Variants in PCDHGA5 observed in about 807,000 individuals in gnomAD.
PCDHGA5 encodes the protein protocadherin gamma subfamily A, 5, also known as protocadherin gamma-A5.
Under a neutral mutation model 56.7 loss-of-function variants are expected in PCDHGA5, and 36 were observed. The observed-to-expected ratio is 0.64, with a 90% CI of 0.49 to 0.84. PCDHGA5 has a LOEUF of 0.84. Among genes scored for constraint, PCDHGA5 ranks in the 40% least tolerant of loss-of-function variants. The pLI is 0.00. For missense variants in PCDHGA5, 1,305 were observed against 1,201.5 expected, an observed-to-expected ratio of 1.09 and a Z score of -1.27; for synonymous variants, 563 against 520.2, an observed-to-expected ratio of 1.08 and a Z score of -1.12.
rs371499368 is a variant in PCDHGA5 at position 141,414,269 on chromosome 5, C to T, written c.2421+47518C>T. The stretch of plus-strand genomic sequence containing the variant: ...TTTAGTCCAGTGACTGAAGATTCAC[C>T]TCTGGGAACAGTCGTAGCCCTTTTA... On this transcript the variant is annotated intron_variant, in intron 1 of 3. Coordinates refer to ENST00000518069, the MANE Select transcript of PCDHGA5 (RefSeq NM_018918.3). 8.1e-6 allele frequency: 13 copies of T among 1,613,266 alleles called. No homozygotes were observed. The African/African-American group carries it at 1.6e-4, about 20-fold the overall frequency.
chr5:141,468,845 A>G (rs1426852752), intron 1 of PCDHGA5, among the ~76,000 whole-genome samples: 3 of 152,150 alleles, frequency 2.0e-5, no homozygotes, highest in Non-Finnish European at 2.9e-5. Flanking sequence ...CAGCCTGGGC[A>G]ACAGAGCGAG....
chr5:141,420,244 C>A lies in PCDHGA5; in HGVS notation c.2421+53493C>A, dbSNP rs755775597. On this transcript the variant is annotated intron_variant, in intron 1 of 3. Coordinates refer to ENST00000518069, the MANE Select transcript of PCDHGA5 (RefSeq NM_018918.3). ...TACTGGCTAGCATTTTAACTCCCAGCGTTGAAGCAGATAAGAAGATTCTTA... is the reference window on the plus strand; with the variant it reads ...TACTGGCTAGCATTTTAACTCCCAGAGTTGAAGCAGATAAGAAGATTCTTA... 83 of 1,584,438 alleles carry A rather than the reference C, an allele frequency of 5.2e-5. 1 individual carries two copies. The South Asian group carries it at 9.4e-4, about 18-fold the overall frequency.
At position 141,431,140 on chromosome 5, in the gene PCDHGA5, C is replaced by T. The variant is rs145692116; in HGVS notation, c.2422-63667C>T. 2.4e-5 allele frequency: 38 copies of T among 1,614,208 alleles called. No individual in the cohort carries two copies. Among genetic ancestry groups the T allele is most frequent in the Admixed American group, 3.3e-5 (2 of 60,038 alleles). On this transcript the variant is annotated intron_variant, in intron 1 of 3. Coordinates refer to ENST00000518069, the MANE Select transcript of PCDHGA5 (RefSeq NM_018918.3). This position sits in a 1 kb window ranked among gnomAD's most constrained non-coding sequence, Gnocchi z 4.8. ...TAGAAGTAGAAGTAAGGGACATTAA[C>T]GACAATGCGCCTTACTTTCGTGAAA...
chr5:141,478,454 A>T, intron 1 of PCDHGA5: 1 of 1,613,596 alleles, frequency 6.2e-7, no homozygotes. Flanking sequence ...TGGTGCAGCC[A>T]GTCCACTGGC....
At chr5:141,414,230 C>T in intron 1 of PCDHGA5, 5 of 1,613,308 alleles carry the variant, frequency 3.1e-6, no homozygotes, top group Non-Finnish European at 4.2e-6. Flanking sequence ...CCAGAGCTGA[C>T]CATCACGTCT....
chr5:141,479,269 A>C (rs1279389471), intron 1 of PCDHGA5: 1 of 152,374 alleles, frequency 6.6e-6, no homozygotes, highest in Non-Finnish European at 1.5e-5. Context: ...TAAAAGTAAT[A>C]ATTTATTTCA....
At position 141,378,204 on chromosome 5, in the gene PCDHGA5, T is replaced by C. The variant is rs1335712124; in HGVS notation, c.2421+11453T>C. On this transcript the variant is annotated intron_variant, in intron 1 of 3. Coordinates refer to ENST00000518069, the MANE Select transcript of PCDHGA5 (RefSeq NM_018918.3). ...TGCTGTGTGCCTACTACAGTGTCTT[T>C]TGCATACTGTGTGCCTGATAGTATT... The C allele has an allele frequency of 1.4e-4, 22 of 152,240 alleles. 1 individual carries two copies. Among genetic ancestry groups the C allele is most frequent in the Admixed American group, 1.4e-3 (22 of 15,288 alleles). The allele number at this position is 152,240 out of a possible 1,614,324, so 9.4% of individuals were successfully genotyped here.
rs1028054307 is a variant in PCDHGA5 at position 141,417,708 on chromosome 5, G to A, written c.2421+50957G>A. The A allele has an allele frequency of 2.4e-5, 29 of 1,227,762 alleles. No homozygotes were observed. In the South Asian group the frequency reaches 2.9e-4, roughly 12 times the overall value. 76.1% of individuals were successfully genotyped at this position (1,227,762 alleles called of 1,614,324 possible). On this transcript the variant is annotated intron_variant, in intron 1 of 3. Transcript: ENST00000518069. ...AAAGAAAACCAGCTCCCACACAGAG[G>A]CTCCCGGCTGCGCAGACCTTGCCCA... is the stretch of plus-strand genomic sequence containing the variant.
intron 2 of PCDHGA5, among the ~76,000 whole-genome samples, chr5:141,502,908 C>G (rs1398336138): frequency 1.5e-5 from 2 of 132,418 alleles, no homozygotes; most frequent in Non-Finnish European, 3.0e-5. Flanking sequence ...TGTTGCCAGG[C>G]TGGAGTGCAG....
At position 141,493,841 on chromosome 5, in the gene PCDHGA5, T is replaced by C. The variant is rs774682943; in HGVS notation, c.2422-966T>C. On this transcript the variant is annotated intron_variant, in intron 1 of 3. Transcript: ENST00000518069. The surrounding 1 kb of genome is among the most constrained non-coding windows in gnomAD (Gnocchi z 4.3). ...CTCTGCTTCTGGGAGCAAGTATGAGTATTAATTACCAGCCCACCCCAGAAC... is the reference window on the plus strand; with the variant it reads ...CTCTGCTTCTGGGAGCAAGTATGAGCATTAATTACCAGCCCACCCCAGAAC... Among the ~76,000 whole-genome samples the C allele has an allele frequency of 3.3e-5, 5 of 152,140 alleles. No homozygotes were observed. In the East Asian group the frequency reaches 9.7e-4, roughly 29 times the overall value.
intron 1 of PCDHGA5, among the ~76,000 whole-genome samples, chr5:141,381,395 C>T (rs1588899901): frequency 6.6e-6 from 1 of 152,328 alleles, no homozygotes; most frequent in South Asian, 2.1e-4. Flanking sequence ...TAGTTTTACT[C>T]TATCAACATC....
intron 1 of PCDHGA5, among the ~76,000 whole-genome samples, chr5:141,459,664 T>A (rs766213146): frequency 1.3e-5 from 2 of 152,262 alleles, no homozygotes; most frequent in Non-Finnish European, 2.9e-5. Flanking sequence ...TCACTTTACA[T>A]TTTCATGAGC....
At chr5:141,443,499 A>T (rs533910381) in intron 1 of PCDHGA5, among the ~76,000 whole-genome samples, 1 of 152,268 alleles carries the variant, frequency 6.6e-6, no homozygotes, top group African/African-American at 2.4e-5. Context: ...ACAAACAAAC[A>T]AATAAAGAGC....
chr5:141,393,450 A>G, intron 1 of PCDHGA5: 1 of 1,614,028 alleles, frequency 6.2e-7, no homozygotes, highest in Non-Finnish European at 8.5e-7. Context: ...CCTGGTCCTC[A>G]CGGCCTCGGA....
At chr5:141,425,491 C>G (rs1243033082) in intron 1 of PCDHGA5, among the ~76,000 whole-genome samples, 1 of 152,200 alleles carries the variant, frequency 6.6e-6, no homozygotes, top group Non-Finnish European at 1.5e-5. Context: ...ACCTACTAGG[C>G]TATACCTTTA....
chr5:141,390,474 C>A, intron 1 of PCDHGA5: 1 of 688,724 alleles, frequency 1.5e-6, no homozygotes, highest in Non-Finnish European at 2.4e-6. Flanking sequence ...TTGTGTGGCC[C>A]AACATTTGTT....
chr5:141,430,643 T>G (rs1432236231), intron 1 of PCDHGA5: 16 of 946,950 alleles, frequency 1.7e-5, no homozygotes, highest in South Asian at 2.5e-5. Flanking sequence ...CCTGGGAGTA[T>G]GTGGAAACAA....
In PCDHGA5 at chr5:141,490,654, C is replaced by A; in HGVS notation, c.2422-4153C>A. On this transcript the variant is annotated intron_variant, in intron 1 of 3. Transcript: ENST00000518069. The surrounding 1 kb of genome is among the most constrained non-coding windows in gnomAD (Gnocchi z 5.4). ...CCTAGAAAACCGGCCTCCGGGCTCC[C>A]TTCTTTGCACTGTGGCTGCCTCAGA... 6.2e-7 allele frequency: 1 copy of A among 1,614,206 alleles called. No individual in the cohort carries two copies. Among genetic ancestry groups the A allele is most frequent in the Non-Finnish European group, 8.5e-7 (1 of 1,180,014 alleles).
chr5:141,439,588 T>C (rs2098121813), intron 1 of PCDHGA5, among the ~76,000 whole-genome samples: 2 of 152,200 alleles, frequency 1.3e-5, no homozygotes, highest in South Asian at 4.1e-4. Flanking sequence ...AGTGCCACTG[T>C]TGGCCAGTCT....
Sources: allele counts gnomAD v4.1 joint callset (sites outside exome capture counted in the v4.1 genomes callset), GRCh38; gene constraint gnomAD v4.1.1; non-coding constraint Gnocchi (gnomAD v3.1); transcripts MANE v1.5; gene names NCBI Gene and HGNC (gene_info 2026-07-23, HGNC 2026-07-21).